The following KCNH5 variants were observed in gnomAD, a reference collection of about 807,000 sequenced individuals.
KCNH5 encodes voltage-gated delayed rectifier potassium channel KCNH5.
KCNH5 carries 46 observed loss-of-function variants against 96.1 expected under a neutral mutation model. That is an observed-to-expected ratio of 0.48 (90% CI 0.38 to 0.61). KCNH5 has a LOEUF of 0.61. Among genes scored for constraint, KCNH5 ranks in the 20% least tolerant of loss-of-function variants. The pLI, the probability that KCNH5 is intolerant of heterozygous loss-of-function variation, is 0.00. For missense variants in KCNH5, 907 were observed against 1,225.8 expected, an observed-to-expected ratio of 0.74 and a Z score of 3.88; for synonymous variants, 439 against 449.8, an observed-to-expected ratio of 0.98 and a Z score of 0.30.
At chr14:62,892,425 A>T (rs1470156796) in intron 7 of KCNH5, among the ~76,000 whole-genome samples, 1 of 152,236 alleles carries the variant, frequency 6.6e-6, no homozygotes, top group Admixed American at 6.5e-5. Flanking sequence ...CCAGAGGTTT[A>T]AATAAAGAAG....
chr14:62,957,168 G>A (rs1890120309), intron 6 of KCNH5, among the ~76,000 whole-genome samples: 2 of 152,190 alleles, frequency 1.3e-5, no homozygotes, highest in Admixed American at 6.5e-5. Context: ...AGACACCTCT[G>A]TGCCATTAAC....
chr14:62,954,435 C>A (rs1315543317), intron 6 of KCNH5, among the ~76,000 whole-genome samples: 1 of 152,124 alleles, frequency 6.6e-6, no homozygotes, highest in Non-Finnish European at 1.5e-5. Flanking sequence ...CTGTCAATTA[C>A]AAAGCTGGCA....
At chr14:62,835,127 C>T (rs895174560) in intron 8 of KCNH5, among the ~76,000 whole-genome samples, 1 of 151,996 alleles carries the variant, frequency 6.6e-6, no homozygotes, top group African/African-American at 2.4e-5. Context: ...TTTAATTCAG[C>T]TTCCAAAAGA....
At chr14:62,959,485 C>G (rs958625678) in intron 6 of KCNH5, among the ~76,000 whole-genome samples, 14 of 152,166 alleles carry the variant, frequency 9.2e-5, no homozygotes, top group African/African-American at 3.4e-4. Context: ...GAATTAGGAC[C>G]AAAGAAGGTC....
intron 6 of KCNH5, among the ~76,000 whole-genome samples, chr14:62,951,624 A>G (rs759371044): frequency 6.6e-6 from 1 of 152,234 alleles, no homozygotes; most frequent in Non-Finnish European, 1.5e-5. Flanking sequence ...GATGTATATT[A>G]ATAAGACTCT....
intron 10 of KCNH5, among the ~76,000 whole-genome samples, chr14:62,709,095 C>G (rs1042852458): frequency 6.6e-6 from 1 of 151,082 alleles, no homozygotes; most frequent in African/African-American, 2.4e-5. Context: ...TAGCCGGGCG[C>G]AGTGGCGGGC....
intron 7 of KCNH5, among the ~76,000 whole-genome samples, chr14:62,902,885 A>AT (rs1400762472): frequency 6.6e-6 from 1 of 151,458 alleles, no homozygotes. Context: ...CCCCTGGCTA[A>AT]TTTTTTGTAT....
intron 8 of KCNH5, among the ~76,000 whole-genome samples, chr14:62,824,054 A>G (rs1887168425): frequency 6.6e-6 from 1 of 152,046 alleles, no homozygotes; most frequent in Non-Finnish European, 1.5e-5. Flanking sequence ...ATACAGAAAA[A>G]CATCCAGGAT....
chr14:62,996,008 C>T (rs563828645), intron 4 of KCNH5, among the ~76,000 whole-genome samples: 1 of 139,944 alleles, frequency 7.1e-6, no homozygotes, highest in African/African-American at 2.7e-5. Flanking sequence ...GAATCAACAG[C>T]AAGTCTACTC....
At chr14:62,855,568 T>C (rs2140051917) in intron 7 of KCNH5, among the ~76,000 whole-genome samples, 1 of 152,366 alleles carries the variant, frequency 6.6e-6, no homozygotes, top group South Asian at 2.1e-4. Context: ...GTTATGTAAC[T>C]ATGATCAATT....
intron 6 of KCNH5, among the ~76,000 whole-genome samples, chr14:62,976,236 T>A (rs1460891743): frequency 6.6e-6 from 1 of 151,536 alleles, no homozygotes; most frequent in South Asian, 2.1e-4. Flanking sequence ...CTGTCTCTAC[T>A]AAAAATACAA....
intron 6 of KCNH5, among the ~76,000 whole-genome samples, chr14:62,973,468 A>G (rs560697671): frequency 6.6e-6 from 1 of 152,190 alleles, no homozygotes; most frequent in East Asian, 1.9e-4. Flanking sequence ...TGCTGCTATA[A>G]AAAGGGCTTG....
intron 10 of KCNH5, among the ~76,000 whole-genome samples, chr14:62,745,061 A>C (rs775701496): frequency 7.2e-5 from 11 of 152,198 alleles, no homozygotes; most frequent in Non-Finnish European, 1.3e-4. Flanking sequence ...TTTGACCTGG[A>C]GTCTAGCAGA....
Position 62,980,807 on chromosome 14 carries a change from A to G in KCNH5, c.942+65T>C, listed in dbSNP as rs1032835320. On this transcript the variant is annotated intron_variant, in intron 6 of 10. Coordinates refer to ENST00000322893, the MANE Select transcript of KCNH5 (RefSeq NM_139318.5). Reference sequence around the variant, plus strand: ...GAGGTTTGGATTATCTGTGGAATCCATTTATCCTGATGTTTTCAAAATATA... The same window carrying G: ...GAGGTTTGGATTATCTGTGGAATCCGTTTATCCTGATGTTTTCAAAATATA... 13 of 1,527,112 alleles carry G rather than the reference A, an allele frequency of 8.5e-6. No homozygotes were observed. The African/African-American group carries it at 1.5e-4, about 18-fold the overall frequency. 94.6% of individuals were successfully genotyped at this position (1,527,112 alleles called of 1,614,324 possible). A position where few individuals can be genotyped will look rare whatever the true frequency, so the allele number is the denominator to read the frequency against.
At position 62,981,078 on chromosome 14, in the gene KCNH5, C is replaced by A. The variant is rs114447363; in HGVS notation, c.736G>T (p.Ala246Ser). The A allele has an allele frequency of 4.2e-5, 68 of 1,614,158 alleles. No homozygotes were observed. The African/African-American group carries it at 8.0e-4, about 19-fold the overall frequency. ...VSFKTKQNNI[A>S]WLVLDSVVDV... is the part of the protein sequence containing the mutation. ...ACCACACTATCCAGTACCAGCCAGG[C>A]TATGTTGTTCTGCTTTGTTTTGAAG... Residue 246 changes from alanine (A) to serine (S), a missense_variant, in exon 6 of 11, where the codon GCC becomes TCC. Coordinates refer to ENST00000322893, the MANE Select transcript of KCNH5 (RefSeq NM_139318.5).
intron 10 of KCNH5, among the ~76,000 whole-genome samples, chr14:62,708,863 T>A (rs13379311): frequency 0.066 from 10,037 of 152,240 alleles, 346 homozygotes; most frequent in African/African-American, 0.092. Context: ...GAAATACATA[T>A]TTATCCCTTA....
At chr14:62,722,840 G>A (rs1884843633) in intron 10 of KCNH5, among the ~76,000 whole-genome samples, 2 of 152,162 alleles carry the variant, frequency 1.3e-5, no homozygotes, top group African/African-American at 4.8e-5. Flanking sequence ...GAAGTTATAT[G>A]ACTTGCCTAA....
chr14:62,716,004 C>T (rs1007681421), intron 10 of KCNH5, among the ~76,000 whole-genome samples: 7 of 152,096 alleles, frequency 4.6e-5, no homozygotes, highest in African/African-American at 1.2e-4. Context: ...ATGTTCTAAG[C>T]GTCATTTTCT....
intron 10 of KCNH5, 41 bp downstream of exon 10, chr14:62,779,686 AC>A: frequency 6.6e-7 from 1 of 1,516,284 alleles, no homozygotes; most frequent in Non-Finnish European, 9.0e-7. Flanking sequence ...ATTAATTAAT[AC>A]TCTGGACACT....
Sources: allele counts gnomAD v4.1 joint callset (sites outside exome capture counted in the v4.1 genomes callset), GRCh38; gene constraint gnomAD v4.1.1; transcripts MANE v1.5; gene names NCBI Gene and HGNC (gene_info 2026-07-23, HGNC 2026-07-21).